The following AKT3 variants were observed in gnomAD, a reference collection of about 807,000 sequenced individuals.
The protein encoded by AKT3 is AKT serine/threonine kinase 3.
In AKT3, 15 loss-of-function variants were observed where a neutral mutation model predicts 65.3. That is an observed-to-expected ratio of 0.23 (90% confidence interval 0.15 to 0.35). AKT3 has a LOEUF of 0.35. Among genes scored for constraint, AKT3 ranks in the 10% least tolerant of loss-of-function variants. AKT3 has a pLI of 1.00. For synonymous variants in AKT3, 206 were observed against 183.8 expected, an observed-to-expected ratio of 1.12 and a Z score of -0.98; for missense variants, 243 against 576.5, an observed-to-expected ratio of 0.42 and a Z score of 5.92.
intron 2 of AKT3, among the ~76,000 whole-genome samples, chr1:243,802,586 T>A (rs1692444829): frequency 6.6e-6 from 1 of 152,296 alleles, no homozygotes; most frequent in African/African-American, 2.4e-5. Context: ...CCAAGATCAT[T>A]AATTTTCCTA....
At chr1:243,776,602 T>G (rs943894538) in intron 2 of AKT3, among the ~76,000 whole-genome samples, 3 of 152,296 alleles carry the variant, frequency 2.0e-5, no homozygotes, top group African/African-American at 4.8e-5. Context: ...ACCTAGACTA[T>G]GAAATTTTGT....
intron 2 of AKT3, among the ~76,000 whole-genome samples, chr1:243,700,171 C>G (rs1201407275): frequency 6.6e-6 from 1 of 152,222 alleles, no homozygotes; most frequent in East Asian, 1.9e-4. Flanking sequence ...CTACTACTTA[C>G]TCATTGAGTT....
At chr1:243,780,971 A>G (rs1236202891) in intron 2 of AKT3, among the ~76,000 whole-genome samples, 1 of 152,098 alleles carries the variant, frequency 6.6e-6, no homozygotes, top group African/African-American at 2.4e-5. Flanking sequence ...TACACCAAAA[A>G]TGTTTTAAAT....
chr1:243,715,558 T>C (rs1289429547), intron 2 of AKT3, among the ~76,000 whole-genome samples: 1 of 152,126 alleles, frequency 6.6e-6, no homozygotes, highest in Non-Finnish European at 1.5e-5. Flanking sequence ...GTATTAACAA[T>C]GTCATGATAC....
At chr1:243,490,239 A>G (rs555692476) in intron 13 of AKT3, among the ~76,000 whole-genome samples, 107 of 152,350 alleles carry the variant, frequency 7.0e-4, no homozygotes, top group African/African-American at 2.5e-3. Context: ...AAATGAGCAC[A>G]CCCAGGCGCC....
rs1669847518 is a variant in AKT3, at chr1:243,508,942, G to A, written c.1354+3382C>T. The stretch of plus-strand genomic sequence containing the variant: ...CCGCCTTGGCCTCCCAAAGTGCTGG[G>A]ATTACAGGTGTGCACCACTGCGCCT... On this transcript the variant is annotated intron_variant, in intron 13 of 13. Transcript: ENST00000673466. Among the ~76,000 whole-genome samples, 11 of 152,098 alleles carry A rather than the reference G, an allele frequency of 7.2e-5. 1 individual carries two copies. The highest frequency in any genetic ancestry group is 7.2e-4 in the Admixed American group (11 of 15,274).
intron 2 of AKT3, among the ~76,000 whole-genome samples, chr1:243,797,650 T>C (rs1167377572): frequency 1.3e-5 from 2 of 152,126 alleles, no homozygotes; most frequent in East Asian, 3.9e-4. Flanking sequence ...CCACAGAATA[T>C]GTGCTTTTGA....
intron 2 of AKT3, among the ~76,000 whole-genome samples, chr1:243,699,493 AT>A (rs1458091354): frequency 5.9e-5 from 3 of 50,924 alleles, no homozygotes; most frequent in African/African-American, 1.8e-4. Context: ...ATATATATAT[AT>A]ATATATATAT....
intron 13 of AKT3, 150 bp downstream of exon 13, chr1:243,512,174 C>A (rs1444163443): frequency 1.3e-5 from 7 of 520,798 alleles, no homozygotes; most frequent in African/African-American, 2.0e-5. Flanking sequence ...AAATTCAATT[C>A]AATATTCAAT....
chr1:243,778,675 A>G (rs975791643), intron 2 of AKT3, among the ~76,000 whole-genome samples: 6 of 152,170 alleles, frequency 3.9e-5, no homozygotes, highest in Non-Finnish European at 8.8e-5. Flanking sequence ...ATTTTTTAAA[A>G]CTGAATTAAA....
chr1:243,550,868 G>C (rs1216716495), intron 11 of AKT3, among the ~76,000 whole-genome samples: 1 of 142,276 alleles, frequency 7.0e-6, no homozygotes, highest in Non-Finnish European at 1.5e-5. Context: ...CTGAGGCAGG[G>C]GAATTGCTTG....
intron 13 of AKT3, among the ~76,000 whole-genome samples, chr1:243,509,664 C>T (rs951062836): frequency 6.6e-6 from 1 of 152,146 alleles, no homozygotes; most frequent in African/African-American, 2.4e-5. Context: ...CTGCGTTGGG[C>T]CTATCATCCC....
intron 3 of AKT3, among the ~76,000 whole-genome samples, chr1:243,672,311 T>C (rs932752160): frequency 2.6e-5 from 4 of 152,222 alleles, no homozygotes; most frequent in Non-Finnish European, 5.9e-5. Flanking sequence ...GGCTCTCACA[T>C]TCTCCAATAC....
chr1:243,691,589 T>C (rs911583070), intron 3 of AKT3, among the ~76,000 whole-genome samples: 3 of 151,546 alleles, frequency 2.0e-5, no homozygotes, highest in African/African-American at 7.3e-5. Context: ...TAGAAATGGA[T>C]TGGGAGTGGG....
rs866133237 is a variant in AKT3, at chr1:243,548,767, G to A, written c.1164-3170C>T. 2.0e-5 allele frequency among the ~76,000 whole-genome samples: 3 copies of A among 152,138 alleles called. No homozygotes were observed. In the Middle Eastern group the frequency reaches 0.01, roughly 517 times the overall value. On this transcript the variant is annotated intron_variant, in intron 11 of 13. Transcript: ENST00000673466. ...AGGTCATGCTTTTCCTATCAACTCCGCATAGGAAGATAAAGGAGGGGCTAA... is the reference window on the plus strand; with the variant it reads ...AGGTCATGCTTTTCCTATCAACTCCACATAGGAAGATAAAGGAGGGGCTAA...
rs146659086 is a variant in AKT3 at position 243,605,069 on chromosome 1, C to T, written c.696+8602G>A. Among the ~76,000 whole-genome samples, 1,262 of 152,190 alleles carry T rather than the reference C, an allele frequency of 8.3e-3. 16 individuals carry two copies. Among genetic ancestry groups the T allele is most frequent in the African/African-American group, 0.029 (1,214 of 41,506 alleles). On this transcript the variant is annotated intron_variant, in intron 8 of 13. Transcript: ENST00000673466. The stretch of plus-strand genomic sequence containing the variant: ...AGACAGGGTCTCACTCTGTTGCCCA[C>T]GCTGGAGTGCAGTAGCACAACCATG...
chr1:243,599,703 C>T (rs545838595), intron 8 of AKT3, among the ~76,000 whole-genome samples: 5 of 152,172 alleles, frequency 3.3e-5, no homozygotes, highest in South Asian at 2.1e-4. Context: ...AGAGCATCTA[C>T]GAAAAATCTA....
intron 2 of AKT3, among the ~76,000 whole-genome samples, chr1:243,774,763 AATT>A (rs1294381876): frequency 4.6e-5 from 7 of 152,318 alleles, no homozygotes; most frequent in South Asian, 2.1e-4. Flanking sequence ...CTGCCATATA[AATT>A]ATTAATAAAA....
intron 2 of AKT3, among the ~76,000 whole-genome samples, chr1:243,729,217 T>G (rs151132567): frequency 2.0e-5 from 3 of 152,012 alleles, no homozygotes; most frequent in African/African-American, 7.2e-5. Flanking sequence ...GAAGCAGAAA[T>G]AGAGGCAGTA....
Sources: allele counts gnomAD v4.1 joint callset (sites outside exome capture counted in the v4.1 genomes callset), GRCh38; gene constraint gnomAD v4.1.1; transcripts MANE v1.5; gene names NCBI Gene and HGNC (gene_info 2026-07-23, HGNC 2026-07-21).